Variants in NBEAL1 observed in about 807,000 individuals in gnomAD.
The protein encoded by NBEAL1 is neurobeachin-like protein 1.
NBEAL1 carries 273 observed loss-of-function variants against 351.3 expected under a neutral mutation model. The ratio of observed to expected loss-of-function variants is 0.78; its 90% CI spans 0.70 to 0.86. The LOEUF (loss-of-function observed/expected upper bound fraction) is 0.86. NBEAL1 is among the 40% of genes least tolerant of loss of function. NBEAL1 has a pLI of 0.00. For missense variants in NBEAL1, 2,961 were observed against 3,201.3 expected (o/e 0.92, Z 1.81); for synonymous variants, 1,050 against 1,086.4 (o/e 0.97, Z 0.66).
chr2:203,017,413 G>T (rs1490402845), intron 2 of NBEAL1, among the ~76,000 whole-genome samples: 1 of 152,046 alleles, frequency 6.6e-6, no homozygotes, highest in Non-Finnish European at 1.5e-5. Context: ...TTCCTGGTTT[G>T]ATATATATTA....
At chr2:203,152,717 G>T (rs560834778) in intron 35 of NBEAL1, among the ~76,000 whole-genome samples, 1 of 152,146 alleles carries the variant, frequency 6.6e-6, no homozygotes, top group Non-Finnish European at 1.5e-5. Context: ...AGATAGGTCT[G>T]TGAAATACCC....
chr2:203,050,849 A>T (rs147842393), intron 4 of NBEAL1, among the ~76,000 whole-genome samples: 1 of 152,194 alleles, frequency 6.6e-6, no homozygotes, highest in Non-Finnish European at 1.5e-5. Context: ...GGCACTGCAT[A>T]TAAGAATTCA....
chr2:203,115,844 A>G, intron 17 of NBEAL1, 141 bp from the exon 18 acceptor site: 1 of 558,376 alleles, frequency 1.8e-6, no homozygotes, highest in Non-Finnish European at 3.1e-6. Flanking sequence ...ATGGAAACAA[A>G]GTAAATTTTA....
At chr2:203,199,031 T>C (rs2105804682) in intron 48 of NBEAL1, among the ~76,000 whole-genome samples, 1 of 147,828 alleles carries the variant, frequency 6.8e-6, no homozygotes, top group East Asian at 2.1e-4. Context: ...CTACAAAAAA[T>C]ACAAAGAATA....
rs971078526 is a variant in NBEAL1, at chr2:203,144,744, C to T, written c.4993C>T (p.Leu1665=). ...IKEQTEIYSF[L]IPLVRTLVSK... ...GGAACAGACTGAAATCTACTCATTT[C>T]TGATTCCCCTTGTTCGTACCCTGGT... is the stretch of plus-strand genomic sequence containing the variant. Residue 1665 remains leucine (L), a synonymous_variant, in exon 32 of 56, where the codon CTG becomes TTG. Coordinates refer to ENST00000683969, the MANE Select transcript of NBEAL1 (RefSeq NM_001378026.1). 2.9e-5 allele frequency: 47 copies of T among 1,614,154 alleles called. No homozygotes were observed. Among genetic ancestry groups the T allele is most frequent in the Non-Finnish European group, 3.8e-5 (45 of 1,180,010 alleles).
Position 203,064,631 on chromosome 2 carries a change from TA to T in NBEAL1, c.516-3755del, listed in dbSNP as rs573130126. Among the ~76,000 whole-genome samples the T allele has an allele frequency of 4.4e-3, 675 of 152,208 alleles. 1 individual carries two copies. The highest frequency in any genetic ancestry group is 7.4e-3 in the Non-Finnish European group (502 of 68,000). On this transcript the variant is annotated intron_variant, in intron 6 of 55. Coordinates refer to ENST00000683969, the MANE Select transcript of NBEAL1 (RefSeq NM_001378026.1). ...CAAGTGAAGAACATTCTAATTTTTT[TA>T]AAAAAAGGAGGGCTGGAGGACAACT... is the stretch of plus-strand genomic sequence containing the variant.
At position 203,084,573 on chromosome 2, in the gene NBEAL1, T is replaced by G; in HGVS notation, c.1098+4T>G. 1 of 1,456,980 alleles carries G rather than the reference T, an allele frequency of 6.9e-7. No individual in the cohort carries two copies. The highest frequency in any genetic ancestry group is 1.4e-5 in the South Asian group (1 of 72,272). The allele number at this position is 1,456,980 out of a possible 1,614,324, so 90.3% of individuals were successfully genotyped here. ...ACGACTGCTACAGAACTGCAAGGTA[T>G]TTTTCTATTATTGTTGTTGTCTTTG... is the stretch of plus-strand genomic sequence containing the variant. On this transcript the variant is annotated splice_donor_region_variant and intron_variant, in intron 10 of 55. Coordinates refer to ENST00000683969, the MANE Select transcript of NBEAL1 (RefSeq NM_001378026.1).
intron 18 of NBEAL1, among the ~76,000 whole-genome samples, chr2:203,120,745 T>C (rs1400841296): frequency 1.3e-5 from 2 of 152,088 alleles, no homozygotes; most frequent in Admixed American, 1.3e-4. Flanking sequence ...AGTGTGAAAG[T>C]TGGATTGGAG....
rs921590150 is a variant in NBEAL1 at position 203,107,980 on chromosome 2, C to T, written c.1741C>T (p.Arg581Ter). The change falls in exon 14 of 56, where the codon CGA becomes TGA. Residue 581 changes from arginine to a stop codon, truncating the protein, a stop_gained. Coordinates refer to ENST00000683969, the MANE Select transcript of NBEAL1 (RefSeq NM_001378026.1). LOFTEE classifies it high-confidence loss of function. ...TCACCCTTATGTCACTCCCGTGACT[C>T]GAGCAATCCTGACAATGGCCCGAAA... ...SVHPYVTPVT[R>*]AILTMARKLS... is the part of the protein sequence containing the mutation. The T allele has an allele frequency of 5.5e-5, 85 of 1,554,590 alleles. No individual in the cohort carries two copies. The highest frequency in any genetic ancestry group is 1.2e-4 in the East Asian group (5 of 41,796).
At chr2:203,182,480 T>C (rs974750581) in intron 43 of NBEAL1, 2 of 152,138 alleles carry the variant, frequency 1.3e-5, no homozygotes, top group African/African-American at 4.8e-5. Context: ...GCATGAAATA[T>C]AGGGCAGAGA....
intron 19 of NBEAL1, 29 bp downstream of exon 19, chr2:203,122,372 T>A: frequency 7.4e-7 from 1 of 1,347,200 alleles, no homozygotes; most frequent in Non-Finnish European, 1.0e-6. Flanking sequence ...TTGGGCAACA[T>A]CTTACATAAT....
In NBEAL1 at chr2:203,218,048, A is replaced by C. The variant is rs2065916442; in HGVS notation, c.*694A>C. 1.5e-6 allele frequency: 1 copy of C among 668,012 alleles called. No homozygotes were observed. Among genetic ancestry groups the C allele is most frequent in the Admixed American group, 6.3e-5 (1 of 15,868 alleles). The allele number at this position is 668,012 out of a possible 1,614,324, so 41.4% of individuals were successfully genotyped here. ...ATAATATAATTAAGCAAAAGTGCTA[A>C]TTGTGATTTTGACAGTTGGGCCTTT... On this transcript the variant is annotated 3_prime_UTR_variant, in exon 56 of 56. Transcript: ENST00000683969.
intron 53 of NBEAL1, among the ~76,000 whole-genome samples, chr2:203,209,536 C>T (rs1428758025): frequency 6.6e-6 from 1 of 152,132 alleles, no homozygotes; most frequent in East Asian, 1.9e-4. Context: ...TTTCTATTGA[C>T]TTGTGTAATA....
chr2:203,096,139 T>C (rs972589841), intron 10 of NBEAL1, among the ~76,000 whole-genome samples: 1 of 152,216 alleles, frequency 6.6e-6, no homozygotes, highest in African/African-American at 2.4e-5. Context: ...TTAATATGTA[T>C]AGCTATTTGA....
At chr2:203,153,160 ACT>A (rs2063705385) in intron 35 of NBEAL1, among the ~76,000 whole-genome samples, 1 of 151,594 alleles carries the variant, frequency 6.6e-6, no homozygotes, top group African/African-American at 2.4e-5. Flanking sequence ...TGAGACTGGG[ACT>A]CTCTCTGTTG....
At chr2:203,188,905 A>G (rs902890655) in intron 45 of NBEAL1, among the ~76,000 whole-genome samples, 1 of 152,342 alleles carries the variant, frequency 6.6e-6, no homozygotes, top group Admixed American at 6.5e-5. Context: ...CTTTGAAGTT[A>G]CAAATAACAG....
At chr2:203,174,762 G>A (rs181133997) in intron 41 of NBEAL1, among the ~76,000 whole-genome samples, 2,400 of 151,580 alleles carry the variant, frequency 0.016, 69 homozygotes, top group African/African-American at 0.056. Context: ...GTGGTGGCAG[G>A]CACCTGTAGT....
chr2:203,091,772 A>G (rs553307727), intron 10 of NBEAL1, among the ~76,000 whole-genome samples: 32 of 152,214 alleles, frequency 2.1e-4, no homozygotes, highest in African/African-American at 5.5e-4. Context: ...TTGTATATCT[A>G]TCTTTGGAGA....
chr2:203,019,585 A>G (rs72932590), intron 2 of NBEAL1, among the ~76,000 whole-genome samples: 1 of 152,162 alleles, frequency 6.6e-6, no homozygotes, highest in Non-Finnish European at 1.5e-5. Flanking sequence ...GCTTCCGGGC[A>G]GTAAGGTTAA....
Sources: gnomAD v4.1 joint callset for allele counts (sites outside exome capture counted in the v4.1 genomes callset) on GRCh38, gnomAD v4.1.1 for gene constraint, MANE v1.5 for transcripts, NCBI Gene and HGNC (gene_info 2026-07-23, HGNC 2026-07-21) for gene names.